FAM135B: variants seen among roughly 807,000 people sequenced by gnomAD.
The protein encoded by FAM135B is protein FAM135B.
Under a neutral mutation model 127.7 loss-of-function variants are expected in FAM135B, and 43 were observed. The observed-to-expected ratio is 0.34, with a 90% confidence interval of 0.26 to 0.43. The LOEUF is 0.43. Ranked by LOEUF, FAM135B falls within the 20% of genes least tolerant of loss-of-function variation. FAM135B has a pLI of 1.00. For missense variants in FAM135B, 1,558 were observed against 1,725.6 expected (o/e 0.90, Z 1.72); for synonymous variants, 670 against 665.1 (o/e 1.01, Z -0.11).
At chr8:138,227,714 CTTT>C (rs761660500) in intron 7 of FAM135B, among the ~76,000 whole-genome samples, 105 of 81,820 alleles carry the variant, frequency 1.3e-3, no homozygotes, top group African/African-American at 3.9e-3. Flanking sequence ...TTTTGTCTCT[CTTT>C]TTTTTTTTTT....
chr8:138,195,406 C>A (rs140075341), intron 8 of FAM135B, 99 bp from the exon 9 acceptor site: 9 of 1,134,868 alleles, frequency 7.9e-6, no homozygotes, highest in Non-Finnish European at 2.7e-6. Flanking sequence ...TTGGCATTAA[C>A]GTCACAGAGA....
chr8:138,397,136 A>G (rs1587346034), intron 1 of FAM135B, among the ~76,000 whole-genome samples: 1 of 152,160 alleles, frequency 6.6e-6, no homozygotes, highest in Admixed American at 6.5e-5. Flanking sequence ...TAGTAGATTC[A>G]GGTATCACAA....
At chr8:138,166,060 G>A (rs1416356382) in intron 12 of FAM135B, among the ~76,000 whole-genome samples, 2 of 152,172 alleles carry the variant, frequency 1.3e-5, no homozygotes, top group Non-Finnish European at 2.9e-5. Context: ...GCGAGGCAGA[G>A]CACAGACTTT....
intron 1 of FAM135B, among the ~76,000 whole-genome samples, chr8:138,442,267 T>TATATATATATATATAA (rs34280434): frequency 1.2e-5 from 1 of 86,750 alleles, no homozygotes; most frequent in Non-Finnish European, 2.4e-5. Context: ...TATATATATA[T>TATATATATATATATAA]ATATATATAT....
chr8:138,496,328 G>A (rs1815389940), intron 1 of FAM135B, among the ~76,000 whole-genome samples: 1 of 152,136 alleles, frequency 6.6e-6, no homozygotes, highest in Non-Finnish European at 1.5e-5. Context: ...CTTCTCCTGA[G>A]CCTGGCCCCC....
chr8:138,140,657 GCACA>G, intron 17 of FAM135B, among the ~76,000 whole-genome samples: 1 of 30,174 alleles, frequency 3.3e-5, no homozygotes, highest in East Asian at 9.2e-4. Flanking sequence ...ATACACATAT[GCACA>G]TATGCACCTA....
intron 1 of FAM135B, among the ~76,000 whole-genome samples, chr8:138,492,219 G>A (rs528073015): frequency 1.3e-5 from 2 of 152,186 alleles, no homozygotes; most frequent in East Asian, 1.9e-4. Context: ...AAGAAAGCCT[G>A]AGTATCAACC....
chr8:138,153,943 T>C (rs1268902757), intron 12 of FAM135B, among the ~76,000 whole-genome samples: 1 of 152,102 alleles, frequency 6.6e-6, no homozygotes, highest in Non-Finnish European at 1.5e-5. Flanking sequence ...GAGTAGTGGT[T>C]CTCCCAGCAC....
Position 138,402,170 on chromosome 8 carries a change from A to C in FAM135B, c.-19-34168T>G, listed in dbSNP as rs1833190570. 4.0e-5 allele frequency among the ~76,000 whole-genome samples: 6 copies of C among 151,816 alleles called. No homozygotes were observed. The South Asian group carries it at 1.2e-3, about 32-fold the overall frequency. The stretch of plus-strand genomic sequence containing the variant: ...ACTCCAAAATCACTGGGGGCTTAGA[A>C]ATCCGCAGACTCAGCAGTACCTGGA... On this transcript the variant is annotated intron_variant, in intron 1 of 19. Transcript: ENST00000395297.
At chr8:138,172,235 C>T (rs1820527255) in intron 11 of FAM135B, among the ~76,000 whole-genome samples, 1 of 152,196 alleles carries the variant, frequency 6.6e-6, no homozygotes. Flanking sequence ...ATTTCTGACT[C>T]TCCAAGGCTC....
chr8:138,367,564 C>T (rs1260225783), intron 2 of FAM135B, among the ~76,000 whole-genome samples: 1 of 152,030 alleles, frequency 6.6e-6, no homozygotes, highest in Non-Finnish European at 1.5e-5. Context: ...ACACTGACTC[C>T]TTTTTACCAC....
At chr8:138,452,088 ATGACCCACAATT>A (rs930593616) in intron 1 of FAM135B, among the ~76,000 whole-genome samples, 1 of 146,912 alleles carries the variant, frequency 6.8e-6, no homozygotes, top group Non-Finnish European at 1.5e-5. Context: ...TTATTATACT[ATGACCCACAATT>A]TCCTATTTCA....
intron 3 of FAM135B, among the ~76,000 whole-genome samples, chr8:138,275,943 G>A (rs1396550425): frequency 6.6e-6 from 1 of 152,162 alleles, no homozygotes; most frequent in African/African-American, 2.4e-5. Flanking sequence ...CTTGGCAGTG[G>A]GTGTAGTAAC....
chr8:138,259,260 C>A (rs757797176), intron 4 of FAM135B, among the ~76,000 whole-genome samples: 1 of 152,126 alleles, frequency 6.6e-6, no homozygotes, highest in Non-Finnish European at 1.5e-5. Context: ...CTTGTTTTCT[C>A]CTCCATTCTT....
At chr8:138,355,199 C>G (rs1022756231) in intron 2 of FAM135B, among the ~76,000 whole-genome samples, 7 of 152,124 alleles carry the variant, frequency 4.6e-5, no homozygotes, top group African/African-American at 1.4e-4. Context: ...TACCATTTGA[C>G]CCAGCCATCC....
At chr8:138,285,567 G>A (rs530568294) in intron 3 of FAM135B, among the ~76,000 whole-genome samples, 1 of 152,268 alleles carries the variant, frequency 6.6e-6, no homozygotes, top group African/African-American at 2.4e-5. Context: ...ATCTAGCACA[G>A]TGCCCAGTGC....
chr8:138,199,615 A>C (rs892236749), intron 7 of FAM135B, among the ~76,000 whole-genome samples: 3 of 152,138 alleles, frequency 2.0e-5, no homozygotes, highest in Non-Finnish European at 4.4e-5. Flanking sequence ...GAAATACGTG[A>C]GACTGGGTAA....
chr8:138,280,470 G>A (rs377199081), intron 3 of FAM135B, among the ~76,000 whole-genome samples: 12 of 152,106 alleles, frequency 7.9e-5, no homozygotes, highest in African/African-American at 2.2e-4. Flanking sequence ...CCCTTTATAT[G>A]CTGCTGGGGG....
chr8:138,145,727 T>G (rs1306836851), intron 15 of FAM135B, among the ~76,000 whole-genome samples: 1 of 152,202 alleles, frequency 6.6e-6, no homozygotes, highest in Non-Finnish European at 1.5e-5. Context: ...TAATGCCCTG[T>G]GAGGGCAAAG....
Sources: gnomAD v4.1 joint callset for allele counts (sites outside exome capture counted in the v4.1 genomes callset) on GRCh38, gnomAD v4.1.1 for gene constraint, MANE v1.5 for transcripts, NCBI Gene and HGNC (gene_info 2026-07-23, HGNC 2026-07-21) for gene names.